DCC: variants seen among roughly 807,000 people sequenced by gnomAD.
DCC encodes the protein DCC netrin 1 receptor.
Under a neutral mutation model 172.5 loss-of-function variants are expected in DCC, and 58 were observed. The ratio of observed to expected loss-of-function variants is 0.34; its 90% CI spans 0.27 to 0.42. The LOEUF (loss-of-function observed/expected upper bound fraction) is 0.42, where lower values mean the gene tolerates loss of function less well. Among genes scored for constraint, DCC ranks in the 10% least tolerant of loss-of-function variants. The pLI, the probability that DCC is intolerant of heterozygous loss-of-function variation, is 1.00. For synonymous variants in DCC, 709 were observed against 644.5 expected (o/e 1.10, Z -1.52); for missense variants, 1,740 against 1,791.0 (o/e 0.97, Z 0.51).
At chr18:52,343,844 C>T (rs1269689771) in intron 1 of DCC, among the ~76,000 whole-genome samples, 1 of 152,196 alleles carries the variant, frequency 6.6e-6, no homozygotes, top group African/African-American at 2.4e-5. Context: ...ATCAGATGCC[C>T]CCATGTGGGT....
At chr18:52,475,814 G>A (rs1355875603) in intron 1 of DCC, among the ~76,000 whole-genome samples, 3 of 152,052 alleles carry the variant, frequency 2.0e-5, no homozygotes, top group South Asian at 2.1e-4. Flanking sequence ...TTTTTGCCTG[G>A]TTATATAGAT....
At chr18:53,375,616 C>CCTTTTTTTTTTTTT (rs1555660825) in intron 15 of DCC, among the ~76,000 whole-genome samples, 2 of 123,086 alleles carry the variant, frequency 1.6e-5, no homozygotes, top group Non-Finnish European at 1.6e-5. Flanking sequence ...ATATTTAATT[C>CCTTTTTTTTTTTTT]TTTTTTTTTT....
chr18:52,785,796 A>G (rs961118251), intron 2 of DCC, among the ~76,000 whole-genome samples: 2 of 152,080 alleles, frequency 1.3e-5, no homozygotes, highest in African/African-American at 4.8e-5. Context: ...TCCTGCAATT[A>G]TTAATCCCCT....
chr18:52,895,482 A>G (rs1477799922), intron 2 of DCC, among the ~76,000 whole-genome samples: 1 of 152,200 alleles, frequency 6.6e-6, no homozygotes, highest in Admixed American at 6.5e-5. Flanking sequence ...AATATAATGC[A>G]CTGAATAGAG....
chr18:53,220,894 G>A (rs563676183), intron 12 of DCC, among the ~76,000 whole-genome samples: 40 of 152,208 alleles, frequency 2.6e-4, no homozygotes, highest in African/African-American at 9.4e-4. Context: ...TAATTGTAAG[G>A]AAGGCAATAT....
intron 2 of DCC, among the ~76,000 whole-genome samples, chr18:52,896,987 T>C (rs1276407063): frequency 6.6e-6 from 1 of 152,164 alleles, no homozygotes; most frequent in Non-Finnish European, 1.5e-5. Flanking sequence ...CCTGAGGATA[T>C]TACTAAGAAG....
At position 52,768,849 on chromosome 18, in the gene DCC, T is replaced by G. The variant is rs1343082828; in HGVS notation, c.412+16475T>G. 2.0e-5 allele frequency among the ~76,000 whole-genome samples: 3 copies of G among 152,290 alleles called. No homozygotes were observed. In the East Asian group the frequency reaches 5.8e-4, roughly 29 times the overall value. On this transcript the variant is annotated intron_variant, in intron 2 of 28. Coordinates refer to ENST00000442544, the MANE Select transcript of DCC (RefSeq NM_005215.4). ...TTTAATCTCTGGAAGAATTAGTTTT[T>G]AGAAAGTTAGAATTAGAAAAGGGTG...
At chr18:52,678,140 A>C (rs1047063830) in intron 1 of DCC, among the ~76,000 whole-genome samples, 34 of 152,140 alleles carry the variant, frequency 2.2e-4, no homozygotes, top group African/African-American at 6.8e-4. Context: ...CTTTAGACTG[A>C]CATCAAAAAC....
intron 1 of DCC, among the ~76,000 whole-genome samples, chr18:52,712,472 A>C (rs540870753): frequency 3.3e-5 from 5 of 152,284 alleles, no homozygotes; most frequent in African/African-American, 9.6e-5. Flanking sequence ...ACCCTATGAG[A>C]TATATGTTAT....
chr18:52,462,276 A>G lies in DCC; in HGVS notation c.91+121398A>G, dbSNP rs139750133. Among the ~76,000 whole-genome samples the G allele has an allele frequency of 1.1e-3, 165 of 152,242 alleles. 1 individual carries two copies. The highest frequency in any genetic ancestry group is 3.8e-3 in the African/African-American group (156 of 41,542). On this transcript the variant is annotated intron_variant, in intron 1 of 28. Transcript: ENST00000442544. ...GGGTTACCCTGTGAACATTTACACG[A>G]GGTCCCAGCATTTCCTCATTCAGAA...
At chr18:53,096,328 C>A (rs957677422) in intron 7 of DCC, among the ~76,000 whole-genome samples, 6 of 151,868 alleles carry the variant, frequency 4.0e-5, no homozygotes, top group Non-Finnish European at 8.8e-5. Flanking sequence ...GACAGTGAGG[C>A]CTTGTAGCTA....
At chr18:52,629,126 T>C (rs2034628319) in intron 1 of DCC, among the ~76,000 whole-genome samples, 1 of 152,230 alleles carries the variant, frequency 6.6e-6, no homozygotes, top group Admixed American at 6.5e-5. Context: ...GGAAGAAATT[T>C]GAATTAATCA....
intron 1 of DCC, among the ~76,000 whole-genome samples, chr18:52,702,490 T>C (rs1293130898): frequency 6.6e-6 from 1 of 152,172 alleles, no homozygotes; most frequent in Non-Finnish European, 1.5e-5. Flanking sequence ...TCAGTCCTAT[T>C]TATGCCTTTT....
At chr18:52,468,762 T>A (rs546607050) in intron 1 of DCC, among the ~76,000 whole-genome samples, 62 of 152,322 alleles carry the variant, frequency 4.1e-4, no homozygotes, top group African/African-American at 1.5e-3. Context: ...ACATGATTGC[T>A]GTCTACACAT....
At chr18:53,467,746 C>A in intron 24 of DCC, 148 bp from the exon 25 acceptor site, 1 of 733,430 alleles carries the variant, frequency 1.4e-6, no homozygotes, top group Non-Finnish European at 2.5e-6. Context: ...AAGATTTGTA[C>A]AATGAAATAG....
chr18:53,181,763 G>A (rs1333745466), intron 9 of DCC, among the ~76,000 whole-genome samples: 1 of 152,136 alleles, frequency 6.6e-6, no homozygotes, highest in Non-Finnish European at 1.5e-5. Flanking sequence ...AGCAGATTTG[G>A]GGGGAAGCAG....
At chr18:53,271,092 T>C (rs2056743169) in intron 12 of DCC, among the ~76,000 whole-genome samples, 1 of 152,178 alleles carries the variant, frequency 6.6e-6, no homozygotes, top group Admixed American at 6.6e-5. Context: ...CTCACCACTG[T>C]GCTATGCTAC....
At chr18:52,763,511 G>A (rs2037195274) in intron 2 of DCC, among the ~76,000 whole-genome samples, 1 of 152,186 alleles carries the variant, frequency 6.6e-6, no homozygotes, top group African/African-American at 2.4e-5. Flanking sequence ...TTATGTCCCA[G>A]CCCAGGAGTG....
intron 2 of DCC, among the ~76,000 whole-genome samples, chr18:52,764,363 A>G (rs1329411432): frequency 6.6e-6 from 1 of 152,208 alleles, no homozygotes; most frequent in Non-Finnish European, 1.5e-5. Flanking sequence ...GTTTCTGACT[A>G]TGGTTTGGAT....
Sources: allele counts gnomAD v4.1 joint callset (sites outside exome capture counted in the v4.1 genomes callset), GRCh38; gene constraint gnomAD v4.1.1; transcripts MANE v1.5; gene names NCBI Gene and HGNC (gene_info 2026-07-23, HGNC 2026-07-21).